The following NIBAN3 variants were observed in gnomAD, a reference collection of about 807,000 sequenced individuals.
NIBAN3 encodes protein Niban 3.
Under a neutral mutation model 76.4 loss-of-function variants are expected in NIBAN3, and 66 were observed. That is an observed-to-expected ratio of 0.86 (90% CI 0.71 to 1.06). NIBAN3 has a LOEUF of 1.06. NIBAN3 is among the 50% of genes least tolerant of loss of function. The pLI, the probability that NIBAN3 is intolerant of heterozygous loss-of-function variation, is 0.00. For synonymous variants in NIBAN3, 360 were observed against 355.2 expected (o/e 1.01, Z -0.15); for missense variants, 808 against 810.7 (o/e 1.00, Z 0.04).
intron 9 of NIBAN3, among the ~76,000 whole-genome samples, chr19:17,541,025 C>T (rs10406648): frequency 0.29 from 44,597 of 151,940 alleles, 7,055 homozygotes; most frequent in Admixed American, 0.41. Context: ...CTTGAGCCAC[C>T]GCACTGGCCA....
chr19:17,523,598 G>T, upstream of NIBAN3: 1 of 648,560 alleles, frequency 1.5e-6, no homozygotes, highest in East Asian at 3.0e-5. Flanking sequence ...GACCCCACAT[G>T]GATGGTTGTG....
chr19:17,540,583 G>A lies in NIBAN3; in HGVS notation c.1170+1G>A, dbSNP rs1292159561. 6.7e-7 allele frequency: 1 copy of A among 1,494,184 alleles called. No individual in the cohort carries two copies. Among genetic ancestry groups the A allele is most frequent in the African/African-American group, 1.4e-5 (1 of 70,338 alleles). 92.6% of individuals were successfully genotyped at this position (1,494,184 alleles called of 1,614,324 possible). A position where few individuals can be genotyped will look rare whatever the true frequency, so the allele number is the denominator to read the frequency against. On this transcript the variant is annotated splice_donor_variant, in intron 9 of 14. Coordinates refer to ENST00000599164, the MANE Select transcript of NIBAN3 (RefSeq NM_001321827.2). LOFTEE classifies it high-confidence loss of function. The stretch of plus-strand genomic sequence containing the variant: ...CTCAGGCACGCGGCTGCGCAGGGAG[G>A]TGAGCTCCCGTGGGTAGGGGTTCAG...
chr19:17,533,479 G>C, intron 3 of NIBAN3, 108 bp from the exon 4 acceptor site: 1 of 663,320 alleles, frequency 1.5e-6, no homozygotes, highest in Non-Finnish European at 2.6e-6. Flanking sequence ...GGTGGGAGGG[G>C]CAGAGGATTT....
In NIBAN3 at chr19:17,552,534, A is replaced by G. The variant is rs1210781726; in HGVS notation, c.*636A>G. The G allele has an allele frequency of 6.6e-6, 1 of 152,114 alleles. No homozygotes were observed. Among genetic ancestry groups the G allele is most frequent in the African/African-American group, 2.4e-5 (1 of 41,410 alleles). The allele number at this position is 152,114 out of a possible 1,614,324, so 9.4% of individuals were successfully genotyped here. A position where few individuals can be genotyped will look rare whatever the true frequency, so the allele number is the denominator to read the frequency against. On this transcript the variant is annotated 3_prime_UTR_variant, in exon 15 of 15. Transcript: ENST00000599164. ...TGTCCAGCCTCCAAATCCTTTCTAA[A>G]CACTAGGACTTTTCATGAAAAGAAA...
intron 4 of NIBAN3, among the ~76,000 whole-genome samples, chr19:17,534,530 G>A (rs1053046832): frequency 6.6e-6 from 1 of 152,200 alleles, no homozygotes; most frequent in African/African-American, 2.4e-5. Context: ...GGTGGCTCAC[G>A]CCTGTAATCC....
rs1437810930 is a variant in NIBAN3 at position 17,532,480 on chromosome 19, GC to G, written c.312+96del. 3 of 1,572,842 alleles carry G rather than the reference GC, an allele frequency of 1.9e-6. No individual in the cohort carries two copies. In the African/African-American group the frequency reaches 4.1e-5, roughly 21 times the overall value. On this transcript the variant is annotated intron_variant, in intron 3 of 14. Coordinates refer to ENST00000599164, the MANE Select transcript of NIBAN3 (RefSeq NM_001321827.2). ...TTTGTGGGATCCATATCTCAGCATA[GC>G]CCCACCTCTATCAATCACCCAGGAT...
chr19:17,547,718 A>T (rs1386914418), intron 13 of NIBAN3, among the ~76,000 whole-genome samples: 1 of 150,972 alleles, frequency 6.6e-6, no homozygotes, highest in Non-Finnish European at 1.5e-5. Context: ...CCCAGGCAGG[A>T]GTGCAATGGC....
At chr19:17,537,810 G>A (rs2075851984) in intron 5 of NIBAN3, among the ~76,000 whole-genome samples, 1 of 152,122 alleles carries the variant, frequency 6.6e-6, no homozygotes, top group African/African-American at 2.4e-5. Context: ...GCTGGGCATG[G>A]TGGAAGGCAC....
At chr19:17,531,326 AACACACACACACACACACACACACACAC>A (rs35489460) in intron 2 of NIBAN3, among the ~76,000 whole-genome samples, 1 of 129,000 alleles carries the variant, frequency 7.8e-6, no homozygotes, top group Non-Finnish European at 1.7e-5. Context: ...GACTCTGTCA[AACACACACACACACACACACACACACAC>A]ACACACACAC....
intron 1 of NIBAN3, among the ~76,000 whole-genome samples, chr19:17,530,331 A>AAAAAC (rs927220016): frequency 4.0e-5 from 6 of 151,566 alleles, no homozygotes; most frequent in Admixed American, 2.6e-4. Flanking sequence ...ACAAAAAACA[A>AAAAAC]AAAACAAAAC....
Position 17,553,235 on chromosome 19 carries a change from G to A in NIBAN3, c.*1337G>A. The A allele has an allele frequency of 6.4e-7, 1 of 1,556,698 alleles. No homozygotes were observed. The highest frequency in any genetic ancestry group is 8.7e-7 in the Non-Finnish European group (1 of 1,153,436). ...ATAACTCTTTATATCTGAAGGATAT[G>A]AACGCTTTGTGATACAGGTTACAGA... On this transcript the variant is annotated 3_prime_UTR_variant, in exon 15 of 15. Coordinates refer to ENST00000599164, the MANE Select transcript of NIBAN3 (RefSeq NM_001321827.2).
chr19:17,527,162 G>GA, upstream of NIBAN3: 1 of 1,506,248 alleles, frequency 6.6e-7, no homozygotes, highest in East Asian at 2.5e-5. Context: ...ACTGGCTCTG[G>GA]GCAACACGGG....
intron 8 of NIBAN3, 152 bp downstream of exon 8, chr19:17,539,917 G>A (rs1340336445): frequency 6.7e-6 from 4 of 599,236 alleles, no homozygotes; most frequent in Non-Finnish European, 8.4e-6. Flanking sequence ...GCAAGGGAAC[G>A]GGTGGGGAAG....
At chr19:17,528,173 C>T (rs562780830) in intron 1 of NIBAN3, among the ~76,000 whole-genome samples, 1 of 152,072 alleles carries the variant, frequency 6.6e-6, no homozygotes, top group South Asian at 2.1e-4. Context: ...CTCACTGCAA[C>T]CTCCGCCTCC....
chr19:17,543,671 C>T (rs755666254), intron 12 of NIBAN3, 40 bp downstream of exon 12: 14 of 1,515,658 alleles, frequency 9.2e-6, no homozygotes, highest in Non-Finnish European at 1.3e-5. Flanking sequence ...CTGACAGCAT[C>T]ACCATGCATC....
At chr19:17,535,373 G>T (rs1053357840) in intron 4 of NIBAN3, among the ~76,000 whole-genome samples, 8 of 152,204 alleles carry the variant, frequency 5.3e-5, no homozygotes, top group African/African-American at 1.9e-4. Flanking sequence ...TTGAGCCCAG[G>T]AGTTAGGGGC....
chr19:17,535,945 G>T (rs2144704600), intron 4 of NIBAN3, among the ~76,000 whole-genome samples: 1 of 152,068 alleles, frequency 6.6e-6, no homozygotes, highest in Admixed American at 6.6e-5. Context: ...ATAAATAAAA[G>T]AAAGCAAAAC....
In NIBAN3 at chr19:17,552,012, C is replaced by T. The variant is rs1318271532; in HGVS notation, c.*114C>T. 3 of 565,048 alleles carry T rather than the reference C, an allele frequency of 5.3e-6. No homozygotes were observed. In the East Asian group the frequency reaches 8.7e-5, roughly 16 times the overall value. The allele number at this position is 565,048 out of a possible 1,614,324, so 35.0% of individuals were successfully genotyped here. ...TTGTAACCCCTGCAACTTCAGAAAA[C>T]TGTACCATTTTATACTCCAAGCAGC... On this transcript the variant is annotated 3_prime_UTR_variant, in exon 15 of 15. Coordinates refer to ENST00000599164, the MANE Select transcript of NIBAN3 (RefSeq NM_001321827.2).
chr19:17,539,696 G>A lies in NIBAN3; in HGVS notation c.910G>A (p.Glu304Lys), dbSNP rs1454932313. 4 of 1,552,860 alleles carry A rather than the reference G, an allele frequency of 2.6e-6. No individual in the cohort carries two copies. Among genetic ancestry groups the A allele is most frequent in the Non-Finnish European group, 3.5e-6 (4 of 1,149,408 alleles). The change falls in exon 8 of 15, where the codon GAG becomes AAG. Residue 304 changes from glutamate (E) to lysine (K), a missense_variant. Glu to Lys is a moderately conservative substitution (Grantham distance 56). Transcript: ENST00000599164. The stretch of plus-strand genomic sequence containing the variant: ...AAAGGACGAGCTGCTTGCGTCGCTG[G>A]AGAAGACGATCCGCCCGGACGTGGA... ...PEKDELLASL[E>K]KTIRPDVDQL...
Sources: gnomAD v4.1 joint callset for allele counts (sites outside exome capture counted in the v4.1 genomes callset) on GRCh38, gnomAD v4.1.1 for gene constraint, MANE v1.5 for transcripts, NCBI Gene and HGNC (gene_info 2026-07-23, HGNC 2026-07-21) for gene names.